Variants in BANP observed in about 807,000 individuals in gnomAD.
BANP encodes BTG3 associated nuclear protein.
Under a neutral mutation model 68.1 loss-of-function variants are expected in BANP, and 11 were observed. That is an observed-to-expected ratio of 0.16 (90% CI 0.10 to 0.27). The LOEUF is 0.27. Among genes scored for constraint, BANP ranks in the 10% least tolerant of loss-of-function variants. The pLI is 1.00. For missense variants in BANP, 504 were observed against 722.7 expected, an observed-to-expected ratio of 0.70 and a Z score of 3.47; for synonymous variants, 329 against 303.2, an observed-to-expected ratio of 1.09 and a Z score of -0.88.
At chr16:87,960,626 G>A (rs951480928) in intron 1 of BANP, among the ~76,000 whole-genome samples, 1 of 152,168 alleles carries the variant, frequency 6.6e-6, no homozygotes, top group Non-Finnish European at 1.5e-5. Flanking sequence ...TGTTGGGTGT[G>A]CCCCGGCCAA....
At chr16:87,982,706 C>G (rs1447031894) in intron 3 of BANP, 1 of 152,220 alleles carries the variant, frequency 6.6e-6, no homozygotes, top group Non-Finnish European at 1.5e-5. Context: ...TATCAGCGCC[C>G]AGTGGTGAAT....
chr16:88,070,373 C>A (rs909423275), intron 12 of BANP, among the ~76,000 whole-genome samples: 1 of 152,136 alleles, frequency 6.6e-6, no homozygotes, highest in East Asian at 1.9e-4. Context: ...CAGTAGGGGC[C>A]GTCGGGTAAA....
At chr16:87,989,937 C>T (rs2065499198) in intron 4 of BANP, among the ~76,000 whole-genome samples, 1 of 143,972 alleles carries the variant, frequency 6.9e-6, no homozygotes, top group Non-Finnish European at 1.5e-5. Context: ...ACACAGGACA[C>T]AGGGCGGGCG....
Position 87,966,148 on chromosome 16 carries a change from A to G in BANP, c.-68-8900A>G, listed in dbSNP as rs193120178. On this transcript the variant is annotated intron_variant, in intron 1 of 13. Transcript: ENST00000682872. ...TTTCCATTTTGGTTCATGTAATTAA[A>G]TCAGTCTCATCCATGTGAATGACTT... is the stretch of plus-strand genomic sequence containing the variant. Among the ~76,000 whole-genome samples, 318 of 152,330 alleles carry G rather than the reference A, an allele frequency of 2.1e-3. 2 individuals are homozygous for G. Among genetic ancestry groups the G allele is most frequent in the Middle Eastern group, 6.8e-3 (2 of 294 alleles).
chr16:87,988,540 C>T (rs1040874036), intron 4 of BANP, among the ~76,000 whole-genome samples: 14 of 152,020 alleles, frequency 9.2e-5, no homozygotes, highest in African/African-American at 3.1e-4. Flanking sequence ...GCTGGGATTA[C>T]GGGTGTGAGC....
chr16:88,044,196 C>T (rs562307100), intron 11 of BANP, among the ~76,000 whole-genome samples: 81 of 152,360 alleles, frequency 5.3e-4, no homozygotes, highest in African/African-American at 1.9e-3. Context: ...GTGATGAGTG[C>T]ACGCGGGCTG....
rs959386215 is a variant in BANP at position 88,018,332 on chromosome 16, A to T, written c.656-96A>T. 1.6e-5 allele frequency: 23 copies of T among 1,463,036 alleles called. No individual in the cohort carries two copies. The highest frequency in any genetic ancestry group is 1.9e-5 in the Non-Finnish European group (21 of 1,080,578). The allele number at this position is 1,463,036 out of a possible 1,614,324, so 90.6% of individuals were successfully genotyped here. A position where few individuals can be genotyped will look rare whatever the true frequency, so the allele number is the denominator to read the frequency against. ...GGATTTGCCCAGCCCTGCGTGGAGC[A>T]TCTTTCCCGACTGTGCCTGAGCAGA... is the stretch of plus-strand genomic sequence containing the variant. On this transcript the variant is annotated intron_variant, in intron 6 of 13. Transcript: ENST00000682872. This position sits in a 1 kb window ranked among gnomAD's most constrained non-coding sequence, Gnocchi z 7.7.
chr16:87,990,806 A>G (rs941883102), intron 4 of BANP, among the ~76,000 whole-genome samples: 1 of 152,136 alleles, frequency 6.6e-6, no homozygotes, highest in Non-Finnish European at 1.5e-5. Flanking sequence ...TCTGTCGCCC[A>G]GGCTGGAGTG....
chr16:88,066,729 T>TG (rs1360593163), intron 12 of BANP, among the ~76,000 whole-genome samples: 1 of 152,204 alleles, frequency 6.6e-6, no homozygotes, highest in Non-Finnish European at 1.5e-5. Context: ...ATCATTTTGT[T>TG]CAGTTTTTTT....
intron 4 of BANP, among the ~76,000 whole-genome samples, chr16:87,984,786 G>A (rs748990702): frequency 2.0e-5 from 3 of 152,220 alleles, no homozygotes; most frequent in African/African-American, 7.2e-5. Flanking sequence ...CCTGCTTGGT[G>A]TCCACTCATC....
intron 10 of BANP, 128 bp downstream of exon 10, chr16:88,035,522 G>A: frequency 1.2e-6 from 1 of 827,140 alleles, no homozygotes; most frequent in Non-Finnish European, 1.9e-6. Flanking sequence ...AAGGGCTGCA[G>A]GACTCCGCTT....
intron 2 of BANP, among the ~76,000 whole-genome samples, chr16:87,975,614 C>T: frequency 8.6e-6 from 1 of 116,622 alleles, no homozygotes; most frequent in South Asian, 2.4e-4. Context: ...TGTGTGTAAT[C>T]CCCTGTGTGC....
chr16:88,077,220 G>A lies in BANP; in HGVS notation c.*559G>A, dbSNP rs968207781. ...GCAGGTGTTTGCAAAGCCAGCTCTC[G>A]GTTCCGATGGGGTATTGCTGACCTA... is the stretch of plus-strand genomic sequence containing the variant. On this transcript the variant is annotated 3_prime_UTR_variant, in exon 14 of 14. Transcript: ENST00000682872. 1 of 152,550 alleles carries A rather than the reference G, an allele frequency of 6.6e-6. No individual in the cohort carries two copies. The highest frequency in any genetic ancestry group is 1.9e-4 in the East Asian group (1 of 5,206). The allele number at this position is 152,550 out of a possible 1,614,324, so 9.4% of individuals were successfully genotyped here.
rs186175115 is a variant in BANP, at chr16:88,040,656, G to T, written c.1311+2645G>T. On this transcript the variant is annotated intron_variant, in intron 11 of 13. Coordinates refer to ENST00000682872, the MANE Select transcript of BANP (RefSeq NM_001386991.1). ...TCTAGGGCTCTCTCTTCTCCAGCCA[G>T]ACTTGATCTCAGAAGCATCCTTCAT... 5.9e-3 allele frequency among the ~76,000 whole-genome samples: 895 copies of T among 152,342 alleles called. 7 individuals carry two copies. Among genetic ancestry groups the T allele is most frequent in the African/African-American group, 0.02 (843 of 41,570 alleles).
At position 88,004,329 on chromosome 16, in the gene BANP, G is replaced by A; in HGVS notation, c.397G>A (p.Asp133Asn). 6.5e-7 allele frequency: 1 copy of A among 1,549,964 alleles called. No individual in the cohort carries two copies. Among genetic ancestry groups the A allele is most frequent in the Middle Eastern group, 1.7e-4 (1 of 5,996 alleles). ...VPQTTVILNN[D>N]RQNAIVAKME... ...CCAGACTACAGTAATACTCAACAAT[G>A]ATCGGCAGAACGCCATTGTAGCCAA... Residue 133 changes from aspartate to asparagine, a missense_variant, in exon 5 of 14, where the codon GAT becomes AAT. Physicochemically the swap from Asp to Asn is conservative, Grantham distance 23 (BLOSUM62 1). Around this residue, in one of 3 missense-constraint regions of BANP, gnomAD observed 238 missense variants for 278.9 expected, o/e 0.85. Coordinates refer to ENST00000682872, the MANE Select transcript of BANP (RefSeq NM_001386991.1). This position sits in a 1 kb window ranked among gnomAD's most constrained non-coding sequence, Gnocchi z 7.0.
upstream of BANP, chr16:87,950,934 C>T (rs1034016778): frequency 3.9e-5 from 6 of 152,344 alleles, no homozygotes; most frequent in African/African-American, 7.2e-5. Context: ...GCAGGTAGGA[C>T]CCGCTGGGGG....
Position 88,006,218 on chromosome 16 carries a change from G to T in BANP, c.608G>T (p.Ser203Ile). The change falls in exon 6 of 14, where the codon AGT (serine) becomes ATT (isoleucine). Residue 203 changes from serine (S) to isoleucine (I), a missense_variant. By Grantham distance (142) the Ser-to-Ile change is moderately radical. Coordinates refer to ENST00000682872, the MANE Select transcript of BANP (RefSeq NM_001386991.1). ...GTGTCCAGCTGTGGGCAGGCGGGCA[G>T]TCAGAGCATCGGGAGCAACGTCACG... ...DSVSSCGQAG[S>I]QSIGSNVTLI... 2 of 1,613,122 alleles carry T rather than the reference G, an allele frequency of 1.2e-6. No individual in the cohort carries two copies. Among genetic ancestry groups the T allele is most frequent in the Non-Finnish European group, 1.7e-6 (2 of 1,179,572 alleles).
chr16:87,977,152 T>C (rs1391004649), intron 2 of BANP, among the ~76,000 whole-genome samples: 1 of 152,202 alleles, frequency 6.6e-6, no homozygotes, highest in East Asian at 1.9e-4. Context: ...TGGTGGCTCA[T>C]GCCTGTAATC....
chr16:87,985,999 T>TG (rs2064321536), intron 4 of BANP, among the ~76,000 whole-genome samples: 1 of 152,260 alleles, frequency 6.6e-6, no homozygotes, highest in Non-Finnish European at 1.5e-5. Flanking sequence ...CATGAAGCTC[T>TG]GGTTCATTGT....
Sources: allele counts gnomAD v4.1 joint callset (sites outside exome capture counted in the v4.1 genomes callset), GRCh38; gene constraint gnomAD v4.1.1; regional missense constraint gnomAD v4.1.1; non-coding constraint Gnocchi (gnomAD v3.1); transcripts MANE v1.5; gene names NCBI Gene and HGNC (gene_info 2026-07-23, HGNC 2026-07-21).